ATP13A5: variants seen among roughly 807,000 people sequenced by gnomAD.
ATP13A5 encodes the protein probable cation-transporting ATPase 13A5.
Under a neutral mutation model 150.2 loss-of-function variants are expected in ATP13A5, and 149 were observed. That is an observed-to-expected ratio of 0.99 (90% CI 0.87 to 1.14). ATP13A5 has a LOEUF of 1.14. Ranked by LOEUF, ATP13A5 falls within the 50% of genes most tolerant of loss-of-function variation. The pLI is 0.00. For missense variants in ATP13A5, 1,383 were observed against 1,449.3 expected (o/e 0.95, Z 0.74); for synonymous variants, 497 against 522.2 (o/e 0.95, Z 0.66).
At chr3:193,319,460 C>T (rs1719178638) in intron 16 of ATP13A5, among the ~76,000 whole-genome samples, 1 of 152,056 alleles carries the variant, frequency 6.6e-6, no homozygotes, top group African/African-American at 2.4e-5. Context: ...AGATTGATGC[C>T]CTAAGAAAAC....
At chr3:193,316,367 A>G (rs1454834281) in intron 17 of ATP13A5, among the ~76,000 whole-genome samples, 2 of 152,102 alleles carry the variant, frequency 1.3e-5, no homozygotes, top group African/African-American at 4.8e-5. Flanking sequence ...TGGTGATCCA[A>G]TGTTTTAAAA....
chr3:193,282,140 A>G (rs1717524559), intron 27 of ATP13A5, among the ~76,000 whole-genome samples: 1 of 151,956 alleles, frequency 6.6e-6, no homozygotes, highest in Non-Finnish European at 1.5e-5. Flanking sequence ...GGTTGCAGTG[A>G]GCCAAGATGG....
rs1052468140 is a variant in ATP13A5, at chr3:193,291,547, C to T, written c.2849-1488G>A. On this transcript the variant is annotated intron_variant, in intron 25 of 29. Coordinates refer to ENST00000342358, the MANE Select transcript of ATP13A5 (RefSeq NM_198505.4). ...GATGACTCAGGAAGGGTCCTGCCAA[C>T]GCCCAAAAGACCATCTGTGATTAGA... Among the ~76,000 whole-genome samples the T allele has an allele frequency of 7.1e-4, 108 of 152,102 alleles. 2 individuals are homozygous for T. The highest frequency in any genetic ancestry group is 2.2e-3 in the African/African-American group (90 of 41,520).
chr3:193,318,563 C>T (rs1002666294), intron 17 of ATP13A5, among the ~76,000 whole-genome samples: 1 of 152,184 alleles, frequency 6.6e-6, no homozygotes, highest in Admixed American at 6.5e-5. Flanking sequence ...AAAACCACGT[C>T]TAAAGTATTC....
intron 1 of ATP13A5, among the ~76,000 whole-genome samples, chr3:193,374,647 A>ACGCG (rs34228432): frequency 4.0e-5 from 6 of 148,510 alleles, no homozygotes; most frequent in South Asian, 2.2e-4. Context: ...CATGACACAC[A>ACGCG]CACACACACA....
chr3:193,326,870 C>T, intron 13 of ATP13A5, 126 bp downstream of exon 13: 1 of 789,768 alleles, frequency 1.3e-6, no homozygotes, highest in Non-Finnish European at 2.1e-6. Context: ...TAATTAGGAA[C>T]TAGTTCCAGC....
intron 1 of ATP13A5, among the ~76,000 whole-genome samples, chr3:193,376,018 G>A (rs576091766): frequency 3.9e-5 from 6 of 152,272 alleles, no homozygotes; most frequent in Non-Finnish European, 8.8e-5. Flanking sequence ...GGGAATCTTC[G>A]GGGAAGGAAG....
intron 9 of ATP13A5, among the ~76,000 whole-genome samples, chr3:193,340,596 A>G (rs955972973): frequency 6.6e-6 from 1 of 152,196 alleles, no homozygotes; most frequent in Non-Finnish European, 1.5e-5. Flanking sequence ...CAGCAGCTTA[A>G]TGAAGAGAAG....
At chr3:193,321,550 G>C in intron 16 of ATP13A5, 131 bp downstream of exon 16, 1 of 950,254 alleles carries the variant, frequency 1.1e-6, no homozygotes, top group Non-Finnish European at 1.5e-6. Flanking sequence ...AGAATCACTT[G>C]AACTTGGGAG....
chr3:193,357,096 G>A (rs1712822909), intron 5 of ATP13A5, among the ~76,000 whole-genome samples: 1 of 152,180 alleles, frequency 6.6e-6, no homozygotes, highest in Non-Finnish European at 1.5e-5. Context: ...TTACAGGCAT[G>A]AGCCACCATG....
rs57617984 is a variant in ATP13A5, at chr3:193,279,976, TAAAAAAAA to T, written c.3227-530_3227-523del. ...CACTCTCTAGCTTCTGTGTCTTTGT[TAAAAAAAA>T]AAAAAAAAAAAAAAAAAAAGCCCTG... is the stretch of plus-strand genomic sequence containing the variant. On this transcript the variant is annotated intron_variant, in intron 27 of 29. Coordinates refer to ENST00000342358, the MANE Select transcript of ATP13A5 (RefSeq NM_198505.4). Among the ~76,000 whole-genome samples, 511 of 59,898 alleles carry T rather than the reference TAAAAAAAA, an allele frequency of 8.5e-3. 11 individuals are homozygous for T. The highest frequency in any genetic ancestry group is 0.01 in the Admixed American group (34 of 3,298). 39.3% of individuals were successfully genotyped at this position (59,898 alleles called of 152,430 possible).
At chr3:193,307,183 C>T in intron 22 of ATP13A5, 144 bp downstream of exon 22, 2 of 1,507,204 alleles carry the variant, frequency 1.3e-6, no homozygotes, top group East Asian at 4.9e-5. Flanking sequence ...TTCCAACCCA[C>T]ACTCAGGTAG....
At chr3:193,313,048 G>C (rs1443153332) in intron 19 of ATP13A5, 2 of 152,182 alleles carry the variant, frequency 1.3e-5, no homozygotes, top group African/African-American at 4.8e-5. Context: ...TGGACTGTTA[G>C]TTAAAATTCA....
At chr3:193,323,192 T>G (rs1448868406) in intron 14 of ATP13A5, 3 of 152,226 alleles carry the variant, frequency 2.0e-5, no homozygotes, top group Non-Finnish European at 4.4e-5. Context: ...AGTATCTGGT[T>G]TCCACTCTGC....
At chr3:193,341,384 TTCCTC>T (rs896659771) in intron 9 of ATP13A5, among the ~76,000 whole-genome samples, 3 of 152,176 alleles carry the variant, frequency 2.0e-5, no homozygotes, top group Non-Finnish European at 2.9e-5. Flanking sequence ...CACCATGCCT[TTCCTC>T]TACTGCATTT....
intron 7 of ATP13A5, among the ~76,000 whole-genome samples, chr3:193,347,448 T>C (rs1384913267): frequency 6.6e-6 from 1 of 152,148 alleles, no homozygotes. Flanking sequence ...ACCTTTTCTG[T>C]TGAGGAATAT....
chr3:193,334,701 A>G (rs1056037832), intron 10 of ATP13A5, among the ~76,000 whole-genome samples: 1 of 152,200 alleles, frequency 6.6e-6, no homozygotes, highest in Non-Finnish European at 1.5e-5. Flanking sequence ...TTTACCTTTG[A>G]CAAATTTTAC....
intron 26 of ATP13A5, among the ~76,000 whole-genome samples, chr3:193,287,263 C>T (rs1717759801): frequency 6.6e-6 from 1 of 152,134 alleles, no homozygotes; most frequent in Non-Finnish European, 1.5e-5. Context: ...AAGGTGTCTA[C>T]ACTAAACAGC....
rs1577373486 is a variant in ATP13A5, at chr3:193,364,040, T to TGTGCC, written c.237+66_237+67insGGCAC. The TGTGCC allele has an allele frequency of 1.7e-5, 26 of 1,489,672 alleles. No individual in the cohort carries two copies. In the East Asian group the frequency reaches 6.0e-4, roughly 34 times the overall value. 92.3% of individuals were successfully genotyped at this position (1,489,672 alleles called of 1,614,324 possible). On this transcript the variant is annotated intron_variant, in intron 2 of 29. Coordinates refer to ENST00000342358, the MANE Select transcript of ATP13A5 (RefSeq NM_198505.4). ...TGAAATATAATACCAGCCACAGAGT[T>TGTGCC]ATGCCACAGAGGCAATACAGAAGAC...
Sources: gnomAD v4.1 joint callset for allele counts (sites outside exome capture counted in the v4.1 genomes callset) on GRCh38, gnomAD v4.1.1 for gene constraint, MANE v1.5 for transcripts, NCBI Gene and HGNC (gene_info 2026-07-23, HGNC 2026-07-21) for gene names.